Variants in SFSWAP observed in about 807,000 individuals in gnomAD.
SFSWAP encodes splicing factor, suppressor of white-apricot homolog.
SFSWAP carries 17 observed loss-of-function variants against 100.7 expected under a neutral mutation model. The ratio of observed to expected loss-of-function variants is 0.17; its 90% CI spans 0.12 to 0.25. SFSWAP has a LOEUF of 0.25. SFSWAP is among the 10% of genes least tolerant of loss of function. SFSWAP has a pLI of 1.00. For missense variants in SFSWAP, 1,005 were observed against 1,262.6 expected (o/e 0.80, Z 3.09); for synonymous variants, 504 against 510.1 (o/e 0.99, Z 0.16).
chr12:131,757,106 T>C (rs897654), intron 11 of SFSWAP: 154,407 of 154,514 alleles, frequency 1, 77,150 homozygotes, highest in Middle Eastern at 1. Flanking sequence ...CAGACAGGCA[T>C]GTAAAAATAC....
In SFSWAP at chr12:131,761,155, C is replaced by T. The variant is rs1213069022; in HGVS notation, c.1721-3301C>T. 3.9e-5 allele frequency among the ~76,000 whole-genome samples: 6 copies of T among 152,186 alleles called. No individual in the cohort carries two copies. In the South Asian group the frequency reaches 8.3e-4, roughly 21 times the overall value. ...TTGTACACTTCTGCCTGGGAATCCA[C>T]TGATTATGTTCAGATGATTTTTTTT... On this transcript the variant is annotated intron_variant, in intron 11 of 17. Transcript: ENST00000261674.
At position 131,725,659 on chromosome 12, in the gene SFSWAP, G is replaced by A. The variant is rs1163627367; in HGVS notation, c.832+29G>A. ...GGTCCCACTGCGTCTGTTCCGTCCA[G>A]ACTTTGGGCCTGTGTTGTGGGGGCG... is the stretch of plus-strand genomic sequence containing the variant. On this transcript the variant is annotated intron_variant, in intron 5 of 17. Transcript: ENST00000261674. This position sits in a 1 kb window ranked among gnomAD's most constrained non-coding sequence, Gnocchi z 4.3. 1.3e-6 allele frequency: 2 copies of A among 1,560,760 alleles called. No individual in the cohort carries two copies. Among genetic ancestry groups the A allele is most frequent in the Non-Finnish European group, 1.8e-6 (2 of 1,140,360 alleles).
chr12:131,724,979 C>G (rs1878818716), intron 4 of SFSWAP, among the ~76,000 whole-genome samples: 1 of 152,132 alleles, frequency 6.6e-6, no homozygotes, highest in Admixed American at 6.5e-5. Context: ...AAACCTAGTC[C>G]CCGCTAAGAA....
intron 11 of SFSWAP, among the ~76,000 whole-genome samples, chr12:131,764,018 C>T (rs1349423768): frequency 6.6e-6 from 1 of 152,078 alleles, no homozygotes; most frequent in East Asian, 1.9e-4. Flanking sequence ...CCCAGCTACT[C>T]AGGAGGCTGA....
chr12:131,714,188 A>G lies in SFSWAP; in HGVS notation c.336A>G (p.Glu112=). ...EEARIEALCD[E]ERYLALHTDL... is the part of the protein sequence containing the mutation. ...CGCGAATAGAGGCCCTGTGTGATGA[A>G]GAGAGGTATTTAGCCTTGCATACGG... Residue 112 remains glutamate (E), a synonymous_variant, in exon 2 of 18, where the codon GAA becomes GAG. Transcript: ENST00000261674. This position sits in a 1 kb window ranked among gnomAD's most constrained non-coding sequence, Gnocchi z 6.0. The G allele has an allele frequency of 6.2e-7, 1 of 1,613,948 alleles. No individual in the cohort carries two copies. Among genetic ancestry groups the G allele is most frequent in the Non-Finnish European group, 8.5e-7 (1 of 1,179,880 alleles).
rs1882963671 is a variant in SFSWAP at position 131,764,661 on chromosome 12, C to T, written c.1926C>T (p.Thr642=). Residue 642 remains threonine, a synonymous_variant, in exon 12 of 18, where the codon ACC becomes ACT. Transcript: ENST00000261674. ...VVVEEKKPQL[T]QEELEAKQAK... ...TTGAGGAGAAGAAGCCTCAACTTAC[C>T]CAGGAGGAGCTAGAAGCAAAGCAAG... 2 of 1,613,488 alleles carry T rather than the reference C, an allele frequency of 1.2e-6. No homozygotes were observed. Among genetic ancestry groups the T allele is most frequent in the South Asian group, 1.1e-5 (1 of 91,002 alleles).
intron 1 of SFSWAP, chr12:131,713,085 C>T (rs1877535988): frequency 6.6e-6 from 1 of 152,120 alleles, no homozygotes; most frequent in Non-Finnish European, 1.5e-5. Flanking sequence ...TTTTGGTCTA[C>T]ATTAATATTT....
intron 7 of SFSWAP, among the ~76,000 whole-genome samples, chr12:131,740,326 G>A (rs554056100): frequency 3.3e-5 from 5 of 152,260 alleles, no homozygotes; most frequent in Non-Finnish European, 7.4e-5. Flanking sequence ...GGAATTGAAC[G>A]TTGCTGTGGA....
Position 131,711,132 on chromosome 12 carries a change from G to A in SFSWAP, c.-98G>A, listed in dbSNP as rs1877276854. 4.0e-6 allele frequency: 4 copies of A among 1,001,446 alleles called. No individual in the cohort carries two copies. The highest frequency in any genetic ancestry group is 4.3e-6 in the Non-Finnish European group (3 of 700,764). The allele number at this position is 1,001,446 out of a possible 1,614,324, so 62.0% of individuals were successfully genotyped here. ...GGCGGCGGTGTTGAGGTTGGGTACG[G>A]GATGCGGGGTCTTTGACTGAAGGGG... On this transcript the variant is annotated 5_prime_UTR_variant, in exon 1 of 18. Coordinates refer to ENST00000261674, the MANE Select transcript of SFSWAP (RefSeq NM_004592.4). The surrounding 1 kb of genome is among the most constrained non-coding windows in gnomAD (Gnocchi z 4.9).
At chr12:131,762,343 C>T (rs774349105) in intron 11 of SFSWAP, among the ~76,000 whole-genome samples, 3 of 152,068 alleles carry the variant, frequency 2.0e-5, no homozygotes, top group Non-Finnish European at 2.9e-5. Flanking sequence ...GCCAGGAAGT[C>T]AAGGCTGCAA....
At chr12:131,788,120 T>C (rs1885019389) in intron 15 of SFSWAP, among the ~76,000 whole-genome samples, 1 of 152,214 alleles carries the variant, frequency 6.6e-6, no homozygotes, top group African/African-American at 2.4e-5. Context: ...ATTAATTCCG[T>C]CTCAACAGAA....
At chr12:131,772,749 G>T (rs1415879882) in intron 13 of SFSWAP, among the ~76,000 whole-genome samples, 1 of 152,240 alleles carries the variant, frequency 6.6e-6, no homozygotes, top group Admixed American at 6.5e-5. Context: ...AATCAGCTCA[G>T]TGGAGGGTCA....
Position 131,799,412 on chromosome 12 carries a change from G to A in SFSWAP, c.2791-11G>A, listed in dbSNP as rs965940795. On this transcript the variant is annotated splice_polypyrimidine_tract_variant and intron_variant, in intron 17 of 17. Coordinates refer to ENST00000261674, the MANE Select transcript of SFSWAP (RefSeq NM_004592.4). Reference sequence around the variant, plus strand: ...CTTCACAGGTTCTCCTCTGTGTCTCGCCCTGCACAGGATCTCATGGCCAAA... The same window carrying A: ...CTTCACAGGTTCTCCTCTGTGTCTCACCCTGCACAGGATCTCATGGCCAAA... 2.0e-5 allele frequency: 32 copies of A among 1,613,808 alleles called. No homozygotes were observed. Among genetic ancestry groups the A allele is most frequent in the African/African-American group, 1.1e-4 (8 of 74,924 alleles).
At chr12:131,768,066 C>T (rs147907976) in intron 13 of SFSWAP, among the ~76,000 whole-genome samples, 418 of 152,372 alleles carry the variant, frequency 2.7e-3, no homozygotes, top group African/African-American at 9.8e-3. Context: ...TATGTGCGCA[C>T]GTTGACCCAC....
intron 11 of SFSWAP, among the ~76,000 whole-genome samples, chr12:131,763,760 G>C (rs755491022): frequency 2.0e-5 from 3 of 151,920 alleles, no homozygotes; most frequent in Admixed American, 6.6e-5. Flanking sequence ...CCTGTTTATA[G>C]TGGAGTCACA....
At chr12:131,758,902 T>G (rs926049438) in intron 11 of SFSWAP, among the ~76,000 whole-genome samples, 1 of 152,004 alleles carries the variant, frequency 6.6e-6, no homozygotes, top group African/African-American at 2.4e-5. Flanking sequence ...CTGGACAACA[T>G]CGTGAGACCA....
intron 11 of SFSWAP, 48 bp downstream of exon 11, chr12:131,756,692 G>T (rs1208395741): frequency 3.4e-6 from 5 of 1,482,912 alleles, no homozygotes; most frequent in Non-Finnish European, 3.6e-6. Flanking sequence ...CCATAAGTTG[G>T]CAAGCGTAGG....
At position 131,753,205 on chromosome 12, in the gene SFSWAP, C is replaced by T. The variant is rs1051219; in HGVS notation, c.1164C>T (p.Asp388=). 400,672 of 1,613,950 alleles carry T rather than the reference C, an allele frequency of 0.25. 54,946 individuals are homozygous for T. The highest frequency in any genetic ancestry group is 0.29 in the Non-Finnish European group (337,059 of 1,179,856). ...TGGCGCCGCCCCCTCCCGGAATCGACGTGACTACTTACTACAGCACCCTTC... is the reference window on the plus strand; with the variant it reads ...TGGCGCCGCCCCCTCCCGGAATCGATGTGACTACTTACTACAGCACCCTTC... The part of the protein sequence containing the change: ...YCLAPPPPGI[D]VTTYYSTLPA... The change falls in exon 8 of 18, where the codon GAC becomes GAT. Residue 388 remains aspartate, a synonymous_variant. Coordinates refer to ENST00000261674, the MANE Select transcript of SFSWAP (RefSeq NM_004592.4).
intron 3 of SFSWAP, among the ~76,000 whole-genome samples, chr12:131,715,281 A>AG (rs1877786958): frequency 6.6e-6 from 1 of 152,228 alleles, no homozygotes; most frequent in Non-Finnish European, 1.5e-5. Context: ...GTGAAAGAAT[A>AG]GGTGTTAACT....
Sources: gnomAD v4.1 joint callset for allele counts (sites outside exome capture counted in the v4.1 genomes callset) on GRCh38, gnomAD v4.1.1 for gene constraint, Gnocchi (gnomAD v3.1) non-coding constraint, MANE v1.5 for transcripts, NCBI Gene and HGNC (gene_info 2026-07-23, HGNC 2026-07-21) for gene names.